Variants in SYTL3 observed in about 807,000 individuals in gnomAD.
SYTL3 encodes synaptotagmin like 3.
Under a neutral mutation model 82.1 loss-of-function variants are expected in SYTL3, and 88 were observed. That is an observed-to-expected ratio of 1.07 (90% CI 0.90 to 1.28). SYTL3 has a LOEUF of 1.28. Ranked by LOEUF, SYTL3 falls within the 50% of genes most tolerant of loss-of-function variation. SYTL3 has a pLI of 0.00. For missense variants in SYTL3, 831 were observed against 757.6 expected, an observed-to-expected ratio of 1.10 and a Z score of -1.14; for synonymous variants, 311 against 289.4, an observed-to-expected ratio of 1.07 and a Z score of -0.76.
intron 6 of SYTL3, among the ~76,000 whole-genome samples, chr6:158,684,479 G>A (rs59688922): frequency 0.031 from 4,786 of 152,134 alleles, 276 homozygotes; most frequent in African/African-American, 0.11. Context: ...GGACAAAGGC[G>A]CACACAGGCA....
intron 6 of SYTL3, among the ~76,000 whole-genome samples, chr6:158,701,851 T>C (rs925315225): frequency 1.3e-5 from 2 of 151,954 alleles, no homozygotes; most frequent in African/African-American, 4.8e-5. Flanking sequence ...GGTAGAACGC[T>C]GCCTCCCTCT....
chr6:158,698,095 A>G (rs757246868), intron 6 of SYTL3, among the ~76,000 whole-genome samples: 14 of 152,262 alleles, frequency 9.2e-5, no homozygotes, highest in East Asian at 1.9e-4. Context: ...AAGGACTAAA[A>G]TATGCTTAAA....
At chr6:158,708,006 G>A (rs1012386498) in intron 7 of SYTL3, among the ~76,000 whole-genome samples, 2 of 152,198 alleles carry the variant, frequency 1.3e-5, no homozygotes, top group South Asian at 2.1e-4. Flanking sequence ...GAGCGCAGAT[G>A]GGAACCAGGG....
At chr6:158,684,864 A>G (rs183302571) in intron 6 of SYTL3, among the ~76,000 whole-genome samples, 70 of 151,582 alleles carry the variant, frequency 4.6e-4, no homozygotes, top group Non-Finnish European at 7.2e-4. Flanking sequence ...ACCTGGAGGA[A>G]AAAACTAATA....
rs1466900917 is a variant in SYTL3 at position 158,663,179 on chromosome 6, A to C, written c.-90A>C. ...GAGCTCTTTAAACAAGGCTGGCTGCAGCTGGCCTCCGCCGCTCATCTGCAG... is the reference window on the plus strand; with the variant it reads ...GAGCTCTTTAAACAAGGCTGGCTGCCGCTGGCCTCCGCCGCTCATCTGCAG... On this transcript the variant is annotated 5_prime_UTR_variant, in exon 4 of 18. Transcript: ENST00000611299. 10 of 1,123,040 alleles carry C rather than the reference A, an allele frequency of 8.9e-6. No homozygotes were observed. In the East Asian group the frequency reaches 2.4e-4, roughly 27 times the overall value. The allele number at this position is 1,123,040 out of a possible 1,614,324, so 69.6% of individuals were successfully genotyped here.
intron 13 of SYTL3, among the ~76,000 whole-genome samples, chr6:158,754,018 A>T (rs1316104882): frequency 6.6e-6 from 1 of 152,190 alleles, no homozygotes; most frequent in Non-Finnish European, 1.5e-5. Flanking sequence ...CAGCATTAAA[A>T]GTCTCGCTAG....
At chr6:158,732,473 C>G (rs1228463194) in intron 11 of SYTL3, among the ~76,000 whole-genome samples, 3 of 152,246 alleles carry the variant, frequency 2.0e-5, no homozygotes, top group African/African-American at 4.8e-5. Flanking sequence ...AGCTTGTCCC[C>G]TTTCCACTCG....
intron 6 of SYTL3, among the ~76,000 whole-genome samples, chr6:158,701,982 C>T (rs1354953541): frequency 6.6e-6 from 1 of 151,922 alleles, no homozygotes; most frequent in African/African-American, 2.4e-5. Context: ...CCCTTCCCTT[C>T]TTGTTTTTGA....
intron 13 of SYTL3, 149 bp downstream of exon 13, chr6:158,752,179 A>G: frequency 2.1e-6 from 1 of 482,928 alleles, no homozygotes. Context: ...TCTGTCAATC[A>G]GTGTTAAGTT....
chr6:158,691,240 G>A (rs937248621), intron 6 of SYTL3, among the ~76,000 whole-genome samples: 1 of 152,030 alleles, frequency 6.6e-6, no homozygotes, highest in Admixed American at 6.6e-5. Flanking sequence ...CCAGCTGCTC[G>A]GGGGGTTGAG....
intron 17 of SYTL3, 41 bp downstream of exon 17, chr6:158,763,550 A>G: frequency 6.5e-7 from 1 of 1,539,466 alleles, no homozygotes; most frequent in Non-Finnish European, 9.0e-7. Flanking sequence ...ATACTTTGTG[A>G]TTATCCTAAT....
rs546881862 is a variant in SYTL3, at chr6:158,654,824, G to C, written c.-637+2982G>C. On this transcript the variant is annotated intron_variant, in intron 2 of 17. Coordinates refer to ENST00000611299, the MANE Select transcript of SYTL3 (RefSeq NM_001242394.2). ...AGACAGGATGGCTGAGTGTCGGGGG[G>C]GCTTCTCCACATGGCTGTAGGAGAA... is the stretch of plus-strand genomic sequence containing the variant. Among the ~76,000 whole-genome samples, 145 of 152,276 alleles carry C rather than the reference G, an allele frequency of 9.5e-4. 6 individuals are homozygous for C. The South Asian group carries it at 0.029, about 31-fold the overall frequency.
intron 5 of SYTL3, among the ~76,000 whole-genome samples, chr6:158,675,181 G>A (rs1296912033): frequency 2.0e-5 from 3 of 152,154 alleles, no homozygotes; most frequent in Non-Finnish European, 4.4e-5. Flanking sequence ...CTGCGGAGGG[G>A]AGGATATTCA....
intron 5 of SYTL3, among the ~76,000 whole-genome samples, chr6:158,673,400 G>A (rs913543108): frequency 8.6e-5 from 13 of 151,416 alleles, no homozygotes; most frequent in Non-Finnish European, 1.8e-4. Context: ...TTGTTCTCAA[G>A]ATGCTTTCAT....
chr6:158,764,659 A>G lies in SYTL3; in HGVS notation c.*55A>G, dbSNP rs1028698651. 5.3e-6 allele frequency: 7 copies of G among 1,320,434 alleles called. No individual in the cohort carries two copies. The highest frequency in any genetic ancestry group is 1.2e-5 in the South Asian group (1 of 84,834). The allele number at this position is 1,320,434 out of a possible 1,614,324, so 81.8% of individuals were successfully genotyped here. A position where few individuals can be genotyped will look rare whatever the true frequency, so the allele number is the denominator to read the frequency against. On this transcript the variant is annotated 3_prime_UTR_variant, in exon 18 of 18. Coordinates refer to ENST00000611299, the MANE Select transcript of SYTL3 (RefSeq NM_001242394.2). ...CAGGCGTGAGGCACTGTGCGTCTGC[A>G]GAGGGGCTACGAACCAGGTGCAGGG...
intron 8 of SYTL3, 139 bp from the exon 9 acceptor site, chr6:158,713,661 C>G: frequency 1.5e-6 from 1 of 675,120 alleles, no homozygotes; most frequent in East Asian, 2.7e-5. Flanking sequence ...CCATGCCCAC[C>G]TGCACCCCCA....
intron 11 of SYTL3, among the ~76,000 whole-genome samples, chr6:158,731,883 G>A (rs190975391): frequency 6.6e-6 from 1 of 152,244 alleles, no homozygotes; most frequent in African/African-American, 2.4e-5. Context: ...GTGAGCCACC[G>A]TGCCTGGCCA....
chr6:158,697,268 A>T (rs748731491), intron 6 of SYTL3, among the ~76,000 whole-genome samples: 119 of 131,216 alleles, frequency 9.1e-4, no homozygotes, highest in Non-Finnish European at 9.4e-4. Context: ...GTGAAACCCC[A>T]TCTCTACGGA....
Position 158,718,113 on chromosome 6 carries a change from A to G in SYTL3, c.622A>G (p.Thr208Ala). The G allele has an allele frequency of 1.3e-6, 2 of 1,543,990 alleles. No individual in the cohort carries two copies. The highest frequency in any genetic ancestry group is 2.4e-5 in the South Asian group (2 of 83,148). Reference sequence around the variant, plus strand: ...GCTCTCCAAATCCCAGAATGATATGACTTCTGAGAAGCATCTTCTCGCCAC... The same window carrying G: ...GCTCTCCAAATCCCAGAATGATATGGCTTCTGAGAAGCATCTTCTCGCCAC... ...KKLSKSQNDM[T>A]SEKHLLATGP... The change falls in exon 10 of 18, where the codon ACT becomes GCT. Residue 208 changes from threonine (T) to alanine (A), a missense_variant. By Grantham distance (58) the Thr-to-Ala change is moderately conservative (BLOSUM62 0). Transcript: ENST00000611299.
Sources: allele counts gnomAD v4.1 joint callset (sites outside exome capture counted in the v4.1 genomes callset), GRCh38; gene constraint gnomAD v4.1.1; transcripts MANE v1.5; gene names NCBI Gene and HGNC (gene_info 2026-07-23, HGNC 2026-07-21).